The following BMPR1A variants were observed in gnomAD, a reference collection of about 807,000 sequenced individuals.
The protein encoded by BMPR1A is bone morphogenetic protein receptor type 1A, also known as bone morphogenetic protein receptor type-1A.
A neutral mutation model predicts 66.0 loss-of-function variants in BMPR1A; 7 were observed. The observed-to-expected ratio is 0.11, with a 90% CI of 0.06 to 0.20. The LOEUF is 0.20. Among genes scored for constraint, BMPR1A ranks in the 10% least tolerant of loss-of-function variants. The pLI is 1.00. For synonymous variants in BMPR1A, 200 were observed against 229.7 expected, an observed-to-expected ratio of 0.87 and a Z score of 1.17; for missense variants, 408 against 669.1, an observed-to-expected ratio of 0.61 and a Z score of 4.31.
intron 2 of BMPR1A, among the ~76,000 whole-genome samples, chr10:86,852,515 A>G (rs909627586): frequency 1.3e-5 from 2 of 152,240 alleles, no homozygotes; most frequent in Admixed American, 6.5e-5. Flanking sequence ...GCAGTGAGCC[A>G]TGATAACACC....
chr10:86,820,508 T>C (rs1182181541), intron 1 of BMPR1A, among the ~76,000 whole-genome samples: 2 of 152,218 alleles, frequency 1.3e-5, no homozygotes, highest in Non-Finnish European at 2.9e-5. Flanking sequence ...TTTCCCTTTT[T>C]CTAAGGCTCA....
intron 2 of BMPR1A, chr10:86,855,690 C>T: frequency 1.4e-6 from 1 of 723,860 alleles, no homozygotes; most frequent in South Asian, 1.7e-5. Flanking sequence ...TGCTCAGTGA[C>T]ATCCACTACT....
intron 10 of BMPR1A, among the ~76,000 whole-genome samples, chr10:86,920,895 G>C (rs1389160151): frequency 1.8e-5 from 2 of 113,200 alleles, no homozygotes; most frequent in Non-Finnish European, 3.3e-5. Context: ...TCACTCTGTT[G>C]CCCAGGCTGG....
At chr10:86,760,225 TTTC>T (rs1841023873) in intron 1 of BMPR1A, among the ~76,000 whole-genome samples, 4 of 78,994 alleles carry the variant, frequency 5.1e-5, no homozygotes, top group African/African-American at 2.5e-4. Flanking sequence ...CTTATTGTTT[TTTC>T]TTTCTTTCTT....
chr10:86,883,316 C>T (rs915301574), intron 3 of BMPR1A, among the ~76,000 whole-genome samples: 2 of 151,636 alleles, frequency 1.3e-5, no homozygotes, highest in African/African-American at 2.4e-5. Flanking sequence ...TTTGGGAGGC[C>T]GAGGTGGGCG....
At chr10:86,841,309 T>C (rs1165252279) in intron 2 of BMPR1A, among the ~76,000 whole-genome samples, 1 of 152,188 alleles carries the variant, frequency 6.6e-6, no homozygotes. Flanking sequence ...TGAAAAGATA[T>C]ATTTGATTAT....
chr10:86,832,239 G>A (rs761852723), intron 1 of BMPR1A, among the ~76,000 whole-genome samples: 9 of 152,170 alleles, frequency 5.9e-5, no homozygotes, highest in African/African-American at 1.7e-4. Flanking sequence ...AGGCCTAGGC[G>A]GTTGGATCAC....
intron 3 of BMPR1A, among the ~76,000 whole-genome samples, chr10:86,889,268 CTTCAGT>C (rs1418044956): frequency 1.3e-5 from 2 of 152,168 alleles, no homozygotes; most frequent in Admixed American, 1.3e-4. Flanking sequence ...CTTCTATAAC[CTTCAGT>C]TTCTGCCAGC....
In BMPR1A at chr10:86,760,188, G is replaced by GTTT. The variant is rs58326501; in HGVS notation, c.-268+3288_-268+3290dup. Among the ~76,000 whole-genome samples, 169 of 53,328 alleles carry GTTT rather than the reference G, an allele frequency of 3.2e-3. 2 individuals are homozygous for GTTT. The highest frequency in any genetic ancestry group is 0.014 in the African/African-American group (147 of 10,686). 35.0% of individuals were successfully genotyped at this position (53,328 alleles called of 152,430 possible). A position where few individuals can be genotyped will look rare whatever the true frequency, so the allele number is the denominator to read the frequency against. ...TGTGGTATTTGCCTCAGATTTACCT[G>GTTT]TTTTTTTTTTTTTTTTTTTTTAATA... is the stretch of plus-strand genomic sequence containing the variant. On this transcript the variant is annotated intron_variant, in intron 1 of 12. Transcript: ENST00000372037.
chr10:86,830,903 C>G (rs1386211190), intron 1 of BMPR1A, among the ~76,000 whole-genome samples: 2 of 151,992 alleles, frequency 1.3e-5, no homozygotes, highest in Admixed American at 6.5e-5. Context: ...CCATTCCCCA[C>G]TCTCCAGCCC....
At chr10:86,796,370 A>AT (rs1322443766) in intron 1 of BMPR1A, among the ~76,000 whole-genome samples, 1 of 151,758 alleles carries the variant, frequency 6.6e-6, no homozygotes, top group Non-Finnish European at 1.5e-5. Context: ...AAGAAATACT[A>AT]TTTTTTTCTT....
intron 1 of BMPR1A, 88 bp downstream of exon 1, chr10:86,757,007 G>C: frequency 6.6e-6 from 1 of 151,150 alleles, no homozygotes; most frequent in Non-Finnish European, 1.5e-5. Context: ...AGGCAGCTGG[G>C]CGCGCGGTGG....
intron 8 of BMPR1A, among the ~76,000 whole-genome samples, chr10:86,913,120 T>C (rs117034313): frequency 6.6e-6 from 1 of 151,904 alleles, no homozygotes; most frequent in Non-Finnish European, 1.5e-5. Context: ...TATTTTATTT[T>C]ACTTTATTTT....
intron 1 of BMPR1A, among the ~76,000 whole-genome samples, chr10:86,786,691 C>T (rs576148421): frequency 2.4e-4 from 36 of 152,290 alleles, no homozygotes; most frequent in African/African-American, 7.7e-4. Context: ...TAAAGTTTGA[C>T]GGAAGTCCAA....
Position 86,927,556 on chromosome 10 carries a change from T to C in BMPR1A, c.*3837T>C. 1 of 200,478 alleles carries C rather than the reference T, an allele frequency of 5.0e-6. No individual in the cohort carries two copies. Among genetic ancestry groups the C allele is most frequent in the Non-Finnish European group, 1.0e-5 (1 of 97,176 alleles). 12.4% of individuals were successfully genotyped at this position (200,478 alleles called of 1,614,324 possible). A position where few individuals can be genotyped will look rare whatever the true frequency, so the allele number is the denominator to read the frequency against. ...CCTGTGAAGCCACGTGTAATGATGG[T>C]CCCATAAGGAAAGTATGTGAATATG... On this transcript the variant is annotated 3_prime_UTR_variant, in exon 13 of 13. Transcript: ENST00000372037.
intron 1 of BMPR1A, among the ~76,000 whole-genome samples, chr10:86,826,344 GA>G (rs1411327868): frequency 2.0e-5 from 3 of 150,670 alleles, no homozygotes; most frequent in Non-Finnish European, 3.0e-5. Context: ...GAAACCAAGG[GA>G]AAAAATATAT....
intron 1 of BMPR1A, among the ~76,000 whole-genome samples, chr10:86,828,446 T>TA (rs1274654307): frequency 6.6e-6 from 1 of 152,038 alleles, no homozygotes; most frequent in Non-Finnish European, 1.5e-5. Context: ...AGCCAGTAAG[T>TA]AAAAAACCAC....
Position 86,884,394 on chromosome 10 carries a change from A to ATTTTTTTTTTTTTTTTTTTTTT in BMPR1A, c.68-5652_68-5631dup, listed in dbSNP as rs759424209. On this transcript the variant is annotated intron_variant, in intron 3 of 12. Coordinates refer to ENST00000372037, the MANE Select transcript of BMPR1A (RefSeq NM_004329.3). ...AGCCACCATGCCTGGCAAACACATG[A>ATTTTTTTTTTTTTTTTTTTTTT]TTTTTTTTTTTTTTTTTTTTTTTTT... is the stretch of plus-strand genomic sequence containing the variant. Among the ~76,000 whole-genome samples the ATTTTTTTTTTTTTTTTTTTTTT allele has an allele frequency of 6.1e-5, 3 of 49,330 alleles. 1 individual carries two copies. The highest frequency in any genetic ancestry group is 1.7e-4 in the African/African-American group (3 of 17,414). 32.4% of individuals were successfully genotyped at this position (49,330 alleles called of 152,430 possible).
chr10:86,903,510 T>C (rs1843341273), intron 7 of BMPR1A, among the ~76,000 whole-genome samples: 1 of 152,042 alleles, frequency 6.6e-6, no homozygotes. Flanking sequence ...TGGCCTAATA[T>C]AGATATAATT....
Sources: gnomAD v4.1 joint callset for allele counts (sites outside exome capture counted in the v4.1 genomes callset) on GRCh38, gnomAD v4.1.1 for gene constraint, MANE v1.5 for transcripts, NCBI Gene and HGNC (gene_info 2026-07-23, HGNC 2026-07-21) for gene names.